UGGT2: variants seen among roughly 807,000 people sequenced by gnomAD.
UGGT2 encodes UDP-glucose:glycoprotein glucosyltransferase 2.
Under a neutral mutation model 192.1 loss-of-function variants are expected in UGGT2, and 180 were observed. That is an observed-to-expected ratio of 0.94 (90% CI 0.83 to 1.06). The LOEUF (loss-of-function observed/expected upper bound fraction) is 1.06, where lower values mean the gene tolerates loss of function less well. Ranked by LOEUF, UGGT2 falls within the 50% of genes least tolerant of loss-of-function variation. The pLI is 0.00. For synonymous variants in UGGT2, 580 were observed against 591.0 expected, an observed-to-expected ratio of 0.98 and a Z score of 0.27; for missense variants, 1,849 against 1,795.7, an observed-to-expected ratio of 1.03 and a Z score of -0.54.
chr13:95,970,377 T>C (rs2050735308), intron 11 of UGGT2, 115 bp from the exon 12 acceptor site: 1 of 887,066 alleles, frequency 1.1e-6, no homozygotes, highest in African/African-American at 1.7e-5. Context: ...TCTTCATTAA[T>C]AGCAGGAAAA....
intron 30 of UGGT2, among the ~76,000 whole-genome samples, chr13:95,865,689 GA>G (rs1461379505): frequency 1.3e-5 from 2 of 151,988 alleles, no homozygotes; most frequent in Admixed American, 1.3e-4. Flanking sequence ...ACAAACTACT[GA>G]AATACCTAGG....
At chr13:96,008,404 T>C (rs1566819597) in intron 5 of UGGT2, among the ~76,000 whole-genome samples, 1 of 152,078 alleles carries the variant, frequency 6.6e-6, no homozygotes, top group South Asian at 2.1e-4. Context: ...GAGAAAGAAA[T>C]AAAAGGCATC....
At chr13:95,974,454 T>A (rs1288135530) in intron 10 of UGGT2, among the ~76,000 whole-genome samples, 1 of 152,216 alleles carries the variant, frequency 6.6e-6, no homozygotes, top group Non-Finnish European at 1.5e-5. Context: ...AGATCCATAT[T>A]AAATTGCTAA....
At chr13:96,046,964 A>G (rs1297363222) in intron 1 of UGGT2, among the ~76,000 whole-genome samples, 1 of 152,214 alleles carries the variant, frequency 6.6e-6, no homozygotes, top group African/African-American at 2.4e-5. Context: ...TAAACAAAGC[A>G]GTCTGGAAGC....
At chr13:96,037,358 G>A (rs1019386734) in intron 1 of UGGT2, among the ~76,000 whole-genome samples, 2 of 152,072 alleles carry the variant, frequency 1.3e-5, no homozygotes, top group Non-Finnish European at 2.9e-5. Flanking sequence ...GCCACCACAC[G>A]CAGCTATTTT....
At chr13:95,911,667 C>T (rs1409718197) in intron 20 of UGGT2, among the ~76,000 whole-genome samples, 1 of 152,108 alleles carries the variant, frequency 6.6e-6, no homozygotes, top group Non-Finnish European at 1.5e-5. Context: ...CAAAGAGGAG[C>T]TGGTACCATT....
chr13:95,858,839 G>T (rs1017585382), intron 33 of UGGT2, among the ~76,000 whole-genome samples: 2 of 152,126 alleles, frequency 1.3e-5, no homozygotes, highest in African/African-American at 4.8e-5. Flanking sequence ...AAAAACAATT[G>T]AATAACGTCA....
intron 12 of UGGT2, among the ~76,000 whole-genome samples, chr13:95,954,200 T>A (rs1162755466): frequency 6.6e-6 from 1 of 152,176 alleles, no homozygotes; most frequent in Non-Finnish European, 1.5e-5. Context: ...ACATGAAACA[T>A]AAATAACTTT....
At chr13:95,881,750 G>A (rs905034390) in intron 27 of UGGT2, among the ~76,000 whole-genome samples, 1 of 152,106 alleles carries the variant, frequency 6.6e-6, no homozygotes, top group South Asian at 2.1e-4. Context: ...GGAACAGTGT[G>A]AAAATGGTGT....
At chr13:95,970,032 C>T in intron 12 of UGGT2, 80 bp downstream of exon 12, 1 of 1,403,916 alleles carries the variant, frequency 7.1e-7, no homozygotes, top group Non-Finnish European at 9.8e-7. Context: ...CATTTATCAT[C>T]AGGCCTGCCG....
chr13:95,866,499 A>G (rs1012495757), intron 30 of UGGT2, among the ~76,000 whole-genome samples: 1 of 152,148 alleles, frequency 6.6e-6, no homozygotes, highest in Admixed American at 6.6e-5. Flanking sequence ...GCTATATCCT[A>G]TCCATCTGGA....
intron 5 of UGGT2, among the ~76,000 whole-genome samples, chr13:96,003,100 T>C (rs1433933754): frequency 2.0e-5 from 3 of 152,126 alleles, no homozygotes; most frequent in Non-Finnish European, 4.4e-5. Flanking sequence ...GAGCTTGCCA[T>C]GAATCCTTAG....
chr13:95,860,820 A>C lies in UGGT2; in HGVS notation c.3708T>G (p.Val1236=), dbSNP rs988235685. The C allele has an allele frequency of 7.0e-6, 11 of 1,562,690 alleles. No homozygotes were observed. Among genetic ancestry groups the C allele is most frequent in the Admixed American group, 3.7e-5 (2 of 54,514 alleles). Residue 1236 remains valine, a synonymous_variant, in exon 32 of 39, where the codon GTT becomes GTG. Transcript: ENST00000376747. ...KEKDVLNIFS[V]ASGHLYERFL... is the part of the protein sequence containing the mutation. The stretch of plus-strand genomic sequence containing the variant: ...AACGTTCATATAAATGACCAGAAGC[A>C]ACTGAAAAAATGTTTAGGACATCTT...
intron 20 of UGGT2, among the ~76,000 whole-genome samples, chr13:95,921,023 A>G (rs1406193669): frequency 6.6e-6 from 1 of 152,206 alleles, no homozygotes; most frequent in East Asian, 1.9e-4. Flanking sequence ...ATAAAATGGA[A>G]TGAAATCACA....
intron 20 of UGGT2, among the ~76,000 whole-genome samples, chr13:95,912,441 TAACAGACAAAGAGAGA>T (rs368259207): frequency 0.072 from 10,886 of 152,116 alleles, 668 homozygotes; most frequent in African/African-American, 0.16. Context: ...TATACACCAT[TAACAGACAAAGAGAGA>T]GCCAAATCAT....
intron 17 of UGGT2, 130 bp from the exon 18 acceptor site, chr13:95,927,466 CTTTCT>C (rs200631829): frequency 0.3 from 174,464 of 581,786 alleles, 12,116 homozygotes; most frequent in Middle Eastern, 0.32. Flanking sequence ...AATACATTTT[CTTTCT>C]TTTTTTTTTT....
chr13:95,996,065 T>G lies in UGGT2; in HGVS notation c.828A>C (p.Leu276=). The G allele has an allele frequency of 1.2e-6, 2 of 1,612,852 alleles. No homozygotes were observed. The highest frequency in any genetic ancestry group is 1.1e-5 in the South Asian group (1 of 90,956). ...NEVQGFLFGK[L]KEIYSDLRDN... is the part of the protein sequence containing the mutation. ...ATTTCATTTCCATTCAGACTTACTT[T>G]AGTTTCCCAAAGAGAAATCCTTGAA... The change falls in exon 7 of 39, where the codon CTA becomes CTC. Residue 276 remains leucine, a splice_region_variant and synonymous_variant. Transcript: ENST00000376747.
chr13:95,825,648 G>T (rs575207092), intron 38 of UGGT2, among the ~76,000 whole-genome samples: 1 of 152,316 alleles, frequency 6.6e-6, no homozygotes, highest in South Asian at 2.1e-4. Context: ...TCCTGTGGGA[G>T]AAGCCCCAGC....
chr13:96,010,276 T>C (rs1438336375), intron 5 of UGGT2, among the ~76,000 whole-genome samples: 1 of 152,180 alleles, frequency 6.6e-6, no homozygotes, highest in Non-Finnish European at 1.5e-5. Flanking sequence ...GAAAATGTGG[T>C]ACATATACAC....
Sources: gnomAD v4.1 joint callset for allele counts (sites outside exome capture counted in the v4.1 genomes callset) on GRCh38, gnomAD v4.1.1 for gene constraint, MANE v1.5 for transcripts, NCBI Gene and HGNC (gene_info 2026-07-23, HGNC 2026-07-21) for gene names.